ADAMTSL1: variants seen among roughly 807,000 people sequenced by gnomAD.
The protein encoded by ADAMTSL1 is ADAMTS-like protein 1.
In ADAMTSL1, 126 loss-of-function variants were observed where a neutral mutation model predicts 201.8. That is an observed-to-expected ratio of 0.62 (90% CI 0.54 to 0.72). The LOEUF is 0.72. Ranked by LOEUF, ADAMTSL1 falls within the 30% of genes least tolerant of loss-of-function variation. The pLI, the probability that ADAMTSL1 is intolerant of heterozygous loss-of-function variation, is 0.00. For synonymous variants in ADAMTSL1, 1,121 were observed against 903.4 expected (o/e 1.24, Z -4.32); for missense variants, 2,679 against 2,277.8 (o/e 1.18, Z -3.59).
At chr9:17,963,184 T>C (rs766488131) in intron 1 of ADAMTSL1, among the ~76,000 whole-genome samples, 3 of 152,240 alleles carry the variant, frequency 2.0e-5, no homozygotes, top group Non-Finnish European at 4.4e-5. Context: ...CATTTTATTA[T>C]GAAAAATTTC....
intron 15 of ADAMTSL1, among the ~76,000 whole-genome samples, chr9:18,741,445 G>A (rs1174319444): frequency 2.6e-5 from 4 of 152,136 alleles, no homozygotes; most frequent in Non-Finnish European, 5.9e-5. Context: ...CATGAAGACT[G>A]GCCTTCCCAG....
chr9:18,089,994 C>T (rs867374568), intron 1 of ADAMTSL1, among the ~76,000 whole-genome samples: 8 of 152,092 alleles, frequency 5.3e-5, no homozygotes, highest in Admixed American at 5.2e-4. Flanking sequence ...AAATACAGTT[C>T]AGAAGTTGTT....
chr9:18,303,942 G>C lies in ADAMTSL1; in HGVS notation c.207+139961G>C, dbSNP rs78595156. ...TTTCTCTGTGAGGCCTTTTTGGGTA[G>C]ATCAGTAGGGAGGTGACAGCTCCCT... On this transcript the variant is annotated intron_variant, in intron 2 of 29. Coordinates refer to the ADAMTSL1 transcript ENST00000680146. Among the ~76,000 whole-genome samples, 423 of 152,178 alleles carry C rather than the reference G, an allele frequency of 2.8e-3. 12 individuals carry two copies. The East Asian group carries it at 0.065, about 23-fold the overall frequency.
At chr9:18,526,510 G>T (rs1211857712) in intron 2 of ADAMTSL1, among the ~76,000 whole-genome samples, 1 of 152,190 alleles carries the variant, frequency 6.6e-6, no homozygotes, top group East Asian at 1.9e-4. Flanking sequence ...TTGCTCATTA[G>T]TTGACGCAGT....
At chr9:18,168,868 G>A (rs1393066284) in intron 2 of ADAMTSL1, among the ~76,000 whole-genome samples, 2 of 150,752 alleles carry the variant, frequency 1.3e-5, no homozygotes, top group Non-Finnish European at 3.0e-5. Context: ...GCATTTCTCT[G>A]ATGGCCAGTG....
intron 4 of ADAMTSL1, among the ~76,000 whole-genome samples, chr9:18,578,665 T>G (rs1428323218): frequency 6.6e-6 from 1 of 152,186 alleles, no homozygotes; most frequent in Non-Finnish European, 1.5e-5. Flanking sequence ...GCATTTAAAG[T>G]GCTTACTATG....
chr9:18,592,388 A>G (rs1823980546), intron 4 of ADAMTSL1, among the ~76,000 whole-genome samples: 1 of 152,204 alleles, frequency 6.6e-6, no homozygotes, highest in Non-Finnish European at 1.5e-5. Context: ...CTCATGAGGT[A>G]CCCACTTATC....
chr9:18,507,517 G>C (rs1817748641), intron 2 of ADAMTSL1, among the ~76,000 whole-genome samples: 1 of 152,118 alleles, frequency 6.6e-6, no homozygotes, highest in Non-Finnish European at 1.5e-5. Flanking sequence ...TGGTGCAAAA[G>C]TAATTGCAGT....
chr9:18,130,221 C>T (rs1006415018), intron 1 of ADAMTSL1, among the ~76,000 whole-genome samples: 2 of 152,258 alleles, frequency 1.3e-5, no homozygotes, highest in East Asian at 1.9e-4. Context: ...ATTTTCACCT[C>T]GCATTAGTCA....
intron 14 of ADAMTSL1, among the ~76,000 whole-genome samples, chr9:18,716,953 T>C (rs1346749109): frequency 2.7e-4 from 37 of 137,818 alleles, no homozygotes; most frequent in Admixed American, 6.8e-4. Flanking sequence ...ATGGATGAAA[T>C]TGGAAATCAT....
chr9:18,550,512 T>C (rs566868002), intron 3 of ADAMTSL1, among the ~76,000 whole-genome samples: 1 of 152,032 alleles, frequency 6.6e-6, no homozygotes, highest in East Asian at 1.9e-4. Flanking sequence ...CCCCAACTGA[T>C]GCCTAACAAT....
At chr9:18,820,049 G>T (rs1325703373) in intron 21 of ADAMTSL1, among the ~76,000 whole-genome samples, 2 of 152,286 alleles carry the variant, frequency 1.3e-5, no homozygotes, top group East Asian at 1.9e-4. Flanking sequence ...GGTTAGGTGG[G>T]ATTCTCTAAG....
chr9:18,481,359 A>G (rs1438050496), intron 1 of ADAMTSL1, among the ~76,000 whole-genome samples: 5 of 152,178 alleles, frequency 3.3e-5, no homozygotes, highest in African/African-American at 1.2e-4. Context: ...AGCCTGGCCA[A>G]CATGGTGAAA....
intron 1 of ADAMTSL1, among the ~76,000 whole-genome samples, chr9:17,951,770 T>C (rs1827737125): frequency 6.6e-6 from 1 of 152,234 alleles, no homozygotes; most frequent in South Asian, 2.1e-4. Context: ...TTATGATATA[T>C]TTTGTTCTAA....
chr9:18,309,671 A>G (rs1834040401), intron 2 of ADAMTSL1, among the ~76,000 whole-genome samples: 1 of 152,154 alleles, frequency 6.6e-6, no homozygotes, highest in Non-Finnish European at 1.5e-5. Context: ...CCACTGCTCA[A>G]CAAAATAAGA....
chr9:18,826,521 C>A, intron 22 of ADAMTSL1, 58 bp downstream of exon 22: 1 of 1,546,084 alleles, frequency 6.5e-7, no homozygotes. Flanking sequence ...ACTATCTAAC[C>A]CACCCTCTAC....
At chr9:18,717,852 G>A (rs1319740212) in intron 14 of ADAMTSL1, 7 of 736,830 alleles carry the variant, frequency 9.5e-6, no homozygotes, top group South Asian at 1.6e-5. Flanking sequence ...CTCTTAAAGG[G>A]TACCACCACA....
At chr9:17,918,275 T>C (rs898960169) in intron 1 of ADAMTSL1, among the ~76,000 whole-genome samples, 2 of 151,846 alleles carry the variant, frequency 1.3e-5, no homozygotes, top group African/African-American at 4.8e-5. Flanking sequence ...CAAACACAGA[T>C]GTTTAATGAT....
At chr9:18,100,035 C>G (rs1343730873) in intron 1 of ADAMTSL1, among the ~76,000 whole-genome samples, 1 of 152,066 alleles carries the variant, frequency 6.6e-6, no homozygotes, top group Non-Finnish European at 1.5e-5. Context: ...TAAGTGCAGT[C>G]ACTTCATTTC....
Sources: gnomAD v4.1 joint callset for allele counts (sites outside exome capture counted in the v4.1 genomes callset) on GRCh38, gnomAD v4.1.1 for gene constraint, MANE v1.5 for transcripts, NCBI Gene and HGNC (gene_info 2026-07-23, HGNC 2026-07-21) for gene names.